UPRT: variants seen among roughly 807,000 people sequenced by gnomAD.
UPRT encodes RP11-311P8.3.
UPRT carries 5 observed loss-of-function variants against 22.6 expected under a neutral mutation model. The observed-to-expected ratio is 0.22, with a 90% confidence interval of 0.12 to 0.47. UPRT has a LOEUF of 0.47. UPRT is among the 20% of genes least tolerant of loss of function. UPRT has a pLI of 0.99. For synonymous variants in UPRT, 77 were observed against 87.7 expected (o/e 0.88, Z 0.68); for missense variants, 181 against 239.9 (o/e 0.75, Z 1.62).
At chrX:75,182,707 T>C (rs2082274692) in intron 4 of UPRT, among the ~76,000 whole-genome samples, 1 of 112,049 alleles carries the variant, frequency 8.9e-6, no homozygotes, top group African/African-American at 3.2e-5. Flanking sequence ...CTCTTTTTCA[T>C]TTCTGATTAT....
intron 1 of UPRT, among the ~76,000 whole-genome samples, chrX:75,285,032 G>T (rs1012141271): frequency 9.0e-6 from 1 of 110,633 alleles, no homozygotes; most frequent in Non-Finnish European, 1.9e-5. Flanking sequence ...GTACCTAGGA[G>T]GATTATGGCT....
At chrX:75,233,019 A>G (rs2082444894) in intron 4 of UPRT, among the ~76,000 whole-genome samples, 1 of 111,990 alleles carries the variant, frequency 8.9e-6, no homozygotes, top group Admixed American at 9.5e-5. Context: ...ACCAAAGGTA[A>G]AGAAGTTGAA....
chrX:75,276,018 G>C (rs1024996203), intron 1 of UPRT, among the ~76,000 whole-genome samples: 7 of 111,719 alleles, frequency 6.3e-5, no homozygotes, highest in African/African-American at 2.3e-4. Context: ...GGCCCCCTTA[G>C]CTTGGGATGA....
chrX:75,171,420 A>T (rs941760617), intron 4 of UPRT, among the ~76,000 whole-genome samples: 3 of 111,229 alleles, frequency 2.7e-5, no homozygotes, highest in Non-Finnish European at 3.8e-5. Flanking sequence ...TATTTCTTGA[A>T]GTTGTGATTG....
At chrX:75,235,884 C>G (rs1159945030) in intron 4 of UPRT, among the ~76,000 whole-genome samples, 54 of 111,449 alleles carry the variant, frequency 4.8e-4, no homozygotes, top group African/African-American at 1.5e-3. Context: ...TTGAAAACTG[C>G]CACAAGACAG....
At chrX:75,256,736 A>T (rs766399488) in intron 4 of UPRT, among the ~76,000 whole-genome samples, 1 of 112,086 alleles carries the variant, frequency 8.9e-6, no homozygotes, top group Non-Finnish European at 1.9e-5. Context: ...GGCTACTATG[A>T]ACACTTGTAT....
upstream of UPRT, among the ~76,000 whole-genome samples, chrX:75,273,330 TAA>T (rs1419163020): frequency 3.1e-5 from 3 of 96,756 alleles, no homozygotes; most frequent in South Asian, 4.6e-4. Flanking sequence ...ACTTAAAAGT[TAA>T]AAAAAAAAAA....
At chrX:75,169,292 C>T (rs2082220596) in intron 4 of UPRT, among the ~76,000 whole-genome samples, 1 of 111,863 alleles carries the variant, frequency 8.9e-6, no homozygotes, top group Admixed American at 9.5e-5. Context: ...TGGGTAGATA[C>T]CTAGGAGTAA....
intron 4 of UPRT, among the ~76,000 whole-genome samples, chrX:75,261,181 A>G (rs747586458): frequency 7.2e-5 from 8 of 111,753 alleles, no homozygotes; most frequent in African/African-American, 2.6e-4. Flanking sequence ...CCCTAACATC[A>G]CAATTAAAAG....
upstream of UPRT, among the ~76,000 whole-genome samples, chrX:75,269,917 T>C (rs2082602784): frequency 9.0e-6 from 1 of 111,441 alleles, no homozygotes; most frequent in South Asian, 3.7e-4. Context: ...GATCTAATTA[T>C]ACAACAGAGC....
intron 4 of UPRT, among the ~76,000 whole-genome samples, chrX:75,237,106 AAAAC>A (rs759966528): frequency 1.1e-3 from 122 of 112,426 alleles, no homozygotes; most frequent in Middle Eastern, 9.2e-3. Flanking sequence ...TTACAAGGAA[AAAAC>A]AAACAAACCC....
chrX:75,266,730 A>T (rs1264654457), intron 4 of UPRT, among the ~76,000 whole-genome samples: 4 of 111,500 alleles, frequency 3.6e-5, no homozygotes, highest in African/African-American at 1.3e-4. Flanking sequence ...CAAATAACCG[A>T]AACACATTTA....
At chrX:75,222,971 G>A (rs2082414455) in intron 4 of UPRT, among the ~76,000 whole-genome samples, 1 of 110,600 alleles carries the variant, frequency 9.0e-6, no homozygotes, top group Non-Finnish European at 1.9e-5. Context: ...CATTTTTGGA[G>A]TCTTGCCAAA....
At position 75,277,895 on chromosome X, in the gene UPRT, C is replaced by A. The variant is rs765556422; in HGVS notation, c.386+3255C>A. Among the ~76,000 whole-genome samples the A allele has an allele frequency of 6.3e-5, 7 of 110,812 alleles. No individual in the cohort carries two copies. The South Asian group carries it at 2.7e-3, about 42-fold the overall frequency. On this transcript the variant is annotated intron_variant, in intron 1 of 6. Coordinates refer to ENST00000373383, the MANE Select transcript of UPRT (RefSeq NM_145052.4). Reference sequence around the variant, plus strand: ...TAACCAAATTAGAGGCTTTATATTCCCTTTATCTTTAAAAAATTGTCATCC... The same window carrying A: ...TAACCAAATTAGAGGCTTTATATTCACTTTATCTTTAAAAAATTGTCATCC...
At chrX:75,197,289 A>G (rs2082335548) in intron 4 of UPRT, among the ~76,000 whole-genome samples, 1 of 112,099 alleles carries the variant, frequency 8.9e-6, no homozygotes. Flanking sequence ...GCTTCATCCT[A>G]TGACTTAAAG....
chrX:75,178,986 C>G (rs2082259855), intron 4 of UPRT, among the ~76,000 whole-genome samples: 1 of 111,335 alleles, frequency 9.0e-6, no homozygotes, highest in African/African-American at 3.3e-5. Context: ...TTTACAATCC[C>G]TGAGCTAGAT....
chrX:75,188,127 C>T (rs1445071422), intron 4 of UPRT, among the ~76,000 whole-genome samples: 1 of 112,034 alleles, frequency 8.9e-6, no homozygotes, highest in African/African-American at 3.2e-5. Context: ...AGTTTTTCTG[C>T]TCTGTTTTTT....
At chrX:75,243,796 C>T (rs964263466) in intron 4 of UPRT, among the ~76,000 whole-genome samples, 3 of 111,422 alleles carry the variant, frequency 2.7e-5, no homozygotes, top group Non-Finnish European at 5.7e-5. Context: ...AGTTTTCATC[C>T]CGGAATGCCC....
In UPRT at chrX:75,274,507, A is replaced by G; in HGVS notation, c.253A>G (p.Ser85Gly). The G allele has an allele frequency of 8.3e-6, 10 of 1,211,835 alleles. No individual in the cohort carries two copies. The highest frequency in any genetic ancestry group is 1.1e-5 in the Non-Finnish European group (10 of 895,562). Residue 85 changes from serine to glycine, a missense_variant, in exon 1 of 7, where the codon AGT becomes GGT. Ser to Gly is a moderately conservative substitution (Grantham distance 56). Coordinates refer to ENST00000373383, the MANE Select transcript of UPRT (RefSeq NM_145052.4). ...AGAGGGCAACAGTGGTAGTGGTGAC[A>G]GTAGCAGCTATGACGCACCAGCTGG... ...NSEGNSGSGDSSSYDAPAGNS... is the reference protein window; with the variant it reads ...NSEGNSGSGDGSSYDAPAGNS...
Sources: allele counts gnomAD v4.1 joint callset (sites outside exome capture counted in the v4.1 genomes callset), GRCh38; gene constraint gnomAD v4.1.1; transcripts MANE v1.5; gene names NCBI Gene and HGNC (gene_info 2026-07-23, HGNC 2026-07-21).